Variants in ANO2 observed in about 807,000 individuals in gnomAD.
The protein encoded by ANO2 is anoctamin-2.
ANO2 carries 101 observed loss-of-function variants against 124.2 expected under a neutral mutation model. That is an observed-to-expected ratio of 0.81 (90% CI 0.69 to 0.96). The LOEUF is 0.96. Among genes scored for constraint, ANO2 ranks in the 40% least tolerant of loss-of-function variants. ANO2 has a pLI of 0.00. For missense variants in ANO2, 1,293 were observed against 1,274.5 expected, an observed-to-expected ratio of 1.01 and a Z score of -0.22; for synonymous variants, 486 against 482.5, an observed-to-expected ratio of 1.01 and a Z score of -0.09.
At chr12:5,828,412 G>A (rs1357229232) in intron 6 of ANO2, among the ~76,000 whole-genome samples, 1 of 152,318 alleles carries the variant, frequency 6.6e-6, no homozygotes, top group Admixed American at 6.5e-5. Context: ...CCACCTGCTC[G>A]GGGACGCCAG....
At chr12:5,903,654 T>TGG (rs1329712811) in intron 3 of ANO2, among the ~76,000 whole-genome samples, 2 of 151,218 alleles carry the variant, frequency 1.3e-5, no homozygotes, top group African/African-American at 2.4e-5. Context: ...AAGATGTGTG[T>TGG]GTGTGTGTGT....
At position 5,635,620 on chromosome 12, in the gene ANO2, C is replaced by T. The variant is rs890967029; in HGVS notation, c.1621-273G>A. Among the ~76,000 whole-genome samples, 2 of 151,788 alleles carry T rather than the reference C, an allele frequency of 1.3e-5. No individual in the cohort carries two copies. Among genetic ancestry groups the T allele is most frequent in the Non-Finnish European group, 2.9e-5 (2 of 67,942 alleles). On this transcript the variant is annotated intron_variant, in intron 15 of 24. Transcript: ENST00000682330. This position sits in a 1 kb window ranked among gnomAD's most constrained non-coding sequence, Gnocchi z 5.2. ...TTTATCACACACACACACACACACA[C>T]ACACACACAATAAGGATGAACATGC...
At chr12:5,684,590 C>A (rs1174801591) in intron 14 of ANO2, among the ~76,000 whole-genome samples, 2 of 152,092 alleles carry the variant, frequency 1.3e-5, no homozygotes, top group African/African-American at 2.4e-5. Flanking sequence ...TTTGAGCGAG[C>A]CTTCAAAGTC....
At chr12:5,573,348 T>C (rs1270413464) in intron 23 of ANO2, among the ~76,000 whole-genome samples, 1 of 152,182 alleles carries the variant, frequency 6.6e-6, no homozygotes, top group East Asian at 1.9e-4. Flanking sequence ...TGAGGACAAG[T>C]GCTTCTAGAG....
rs139868619 is a variant in ANO2, at chr12:5,945,019, T to C, written c.22+177A>G. On this transcript the variant is annotated intron_variant, in intron 1 of 24. Coordinates refer to ENST00000682330, the MANE Select transcript of ANO2 (RefSeq NM_001364791.2). Reference sequence around the variant, plus strand: ...AACAAAAAACGTCTCGGAAATTACATAGACGTCCCTCAGAGTCCCTACCCT... The same window carrying C: ...AACAAAAAACGTCTCGGAAATTACACAGACGTCCCTCAGAGTCCCTACCCT... Among the ~76,000 whole-genome samples the C allele has an allele frequency of 3.3e-3, 507 of 151,964 alleles. 3 individuals carry two copies. The highest frequency in any genetic ancestry group is 0.011 in the African/African-American group (474 of 41,434).
intron 11 of ANO2, among the ~76,000 whole-genome samples, chr12:5,745,875 G>A (rs1187603717): frequency 6.6e-6 from 1 of 152,204 alleles, no homozygotes; most frequent in Non-Finnish European, 1.5e-5. Flanking sequence ...GGTGACTAGA[G>A]AGCCCAGTTT....
At chr12:5,701,587 A>G (rs1046894129) in intron 14 of ANO2, among the ~76,000 whole-genome samples, 3 of 152,182 alleles carry the variant, frequency 2.0e-5, no homozygotes, top group African/African-American at 7.2e-5. Context: ...ACTTAAGAGC[A>G]TTCTTATTTA....
At chr12:5,816,887 T>C (rs770976500) in intron 7 of ANO2, among the ~76,000 whole-genome samples, 1 of 152,136 alleles carries the variant, frequency 6.6e-6, no homozygotes, top group East Asian at 1.9e-4. Flanking sequence ...CCCTCAAGGG[T>C]AGAAATTATG....
At chr12:5,725,424 AT>A (rs1175779608) in intron 14 of ANO2, among the ~76,000 whole-genome samples, 1 of 152,162 alleles carries the variant, frequency 6.6e-6, no homozygotes, top group Admixed American at 6.5e-5. Context: ...ACATAGACTT[AT>A]TGCCTGGACT....
intron 3 of ANO2, among the ~76,000 whole-genome samples, chr12:5,910,267 C>T (rs1208790363): frequency 6.6e-6 from 1 of 152,198 alleles, no homozygotes; most frequent in African/African-American, 2.4e-5. Context: ...GCAATCTCTG[C>T]CTCCTGGGTT....
chr12:5,658,416 T>C lies in ANO2; in HGVS notation c.1546-10615A>G, dbSNP rs1947270325. Among the ~76,000 whole-genome samples, 1 of 151,728 alleles carries C rather than the reference T, an allele frequency of 6.6e-6. No individual in the cohort carries two copies. The highest frequency in any genetic ancestry group is 1.5e-5 in the Non-Finnish European group (1 of 67,996). On this transcript the variant is annotated intron_variant, in intron 14 of 24. Coordinates refer to ENST00000682330, the MANE Select transcript of ANO2 (RefSeq NM_001364791.2). The surrounding 1 kb of genome is among the most constrained non-coding windows in gnomAD (Gnocchi z 4.3). The stretch of plus-strand genomic sequence containing the variant: ...ATCATCATCGTCATTGTTATCATCA[T>C]CATAACCATACCATCAAAATTAACA...
chr12:5,646,939 A>G (rs933444647), intron 15 of ANO2, among the ~76,000 whole-genome samples: 11 of 152,168 alleles, frequency 7.2e-5, no homozygotes, highest in Non-Finnish European at 1.5e-4. Flanking sequence ...TTCCAGACCA[A>G]TTTTTGGAAT....
intron 3 of ANO2, among the ~76,000 whole-genome samples, chr12:5,860,351 CAT>C (rs1177892402): frequency 6.6e-6 from 1 of 152,206 alleles, no homozygotes; most frequent in Non-Finnish European, 1.5e-5. Flanking sequence ...CTAAGCATCT[CAT>C]ACCCTTCTTC....
At position 5,578,089 on chromosome 12, in the gene ANO2, T is replaced by A. The variant is rs77487631; in HGVS notation, c.2387-82A>T. ...AACGCTGAAGCTCCAGGTGATGTTT[T>A]GCAGGTGAACTACGGAGCAGCTTTG... On this transcript the variant is annotated intron_variant, in intron 21 of 24. Transcript: ENST00000682330. 8.8e-3 allele frequency: 13,320 copies of A among 1,517,318 alleles called. 853 individuals carry two copies. In the African/African-American group the frequency reaches 0.15, roughly 17 times the overall value. 94.0% of individuals were successfully genotyped at this position (1,517,318 alleles called of 1,614,324 possible).
chr12:5,709,406 C>T (rs1397060872), intron 14 of ANO2, among the ~76,000 whole-genome samples: 2 of 152,092 alleles, frequency 1.3e-5, no homozygotes, highest in African/African-American at 2.4e-5. Flanking sequence ...AGGAGTGTGC[C>T]CTCCCCTTCA....
At chr12:5,735,971 A>C (rs1950844310) in intron 13 of ANO2, among the ~76,000 whole-genome samples, 2 of 152,266 alleles carry the variant, frequency 1.3e-5, no homozygotes, top group Non-Finnish European at 2.9e-5. Context: ...ACTCTCTAAG[A>C]GGCCCAGGGT....
At chr12:5,588,485 C>T (rs1361942630) in intron 20 of ANO2, among the ~76,000 whole-genome samples, 3 of 152,190 alleles carry the variant, frequency 2.0e-5, no homozygotes, top group Non-Finnish European at 4.4e-5. Flanking sequence ...CCTTAGGCAA[C>T]TCACATTACC....
chr12:5,730,265 A>T (rs1204590191), intron 14 of ANO2, among the ~76,000 whole-genome samples: 1 of 152,222 alleles, frequency 6.6e-6, no homozygotes, highest in Non-Finnish European at 1.5e-5. Flanking sequence ...AAACATGTTT[A>T]AAAAGTAAAC....
At chr12:5,945,533 C>A (rs1219580096), upstream of ANO2, among the ~76,000 whole-genome samples, 2 of 152,248 alleles carry the variant, frequency 1.3e-5, no homozygotes, top group African/African-American at 4.8e-5. Flanking sequence ...CCCTGCTCCC[C>A]CAGAGCCGGG....
Sources: allele counts gnomAD v4.1 joint callset (sites outside exome capture counted in the v4.1 genomes callset), GRCh38; gene constraint gnomAD v4.1.1; non-coding constraint Gnocchi (gnomAD v3.1); transcripts MANE v1.5; gene names NCBI Gene and HGNC (gene_info 2026-07-23, HGNC 2026-07-21).